Variants in CLTC observed in about 807,000 individuals in gnomAD.
CLTC encodes clathrin heavy chain, also known as clathrin heavy chain 1.
Under a neutral mutation model 195.8 loss-of-function variants are expected in CLTC, and 16 were observed. The ratio of observed to expected loss-of-function variants is 0.08; its 90% CI spans 0.06 to 0.12. The LOEUF is 0.12. Ranked by LOEUF, CLTC falls within the 10% of genes least tolerant of loss-of-function variation. The pLI is 1.00. For synonymous variants in CLTC, 667 were observed against 689.4 expected (o/e 0.97, Z 0.51); for missense variants, 796 against 2,027.0 (o/e 0.39, Z 11.66).
rs145756010 is a variant in CLTC, at chr17:59,683,089, G to A, written c.3874-6G>A. ...TTATCTTTAACTGCACATTTCTCTT[G>A]TTCAGGATCGTGGCTATTTTGAAGA... On this transcript the variant is annotated splice_region_variant and splice_polypyrimidine_tract_variant and intron_variant, in intron 24 of 31. Transcript: ENST00000269122. The surrounding 1 kb of genome is among the most constrained non-coding windows in gnomAD (Gnocchi z 6.1). The A allele has an allele frequency of 9.2e-5, 149 of 1,614,044 alleles. No homozygotes were observed. In the African/African-American group the frequency reaches 1.1e-3, roughly 12 times the overall value.
chr17:59,648,391 C>T lies in CLTC; in HGVS notation c.671C>T (p.Ala224Val). The T allele has an allele frequency of 6.2e-7, 1 of 1,612,780 alleles. No individual in the cohort carries two copies. Among genetic ancestry groups the T allele is most frequent in the Non-Finnish European group, 8.5e-7 (1 of 1,179,198 alleles). ...TTTTGTTTTGCAGTTCGGGGCCAAG[C>T]TGGAGGGAAGGTAAGTTTTGGCTTT... The part of the protein sequence containing the change: ...TLFCFAVRGQ[A>V]GGKLHIIEVG... The change falls in exon 4 of 32, where the codon GCT (alanine) becomes GTT (valine). Residue 224 changes from alanine (A) to valine (V), a missense_variant. Physicochemically the swap from Ala to Val is moderately conservative, Grantham distance 64. This residue lies in a region of CLTC where 293 missense variants were observed against 795.6 expected (regional missense o/e 0.37). Coordinates refer to ENST00000269122, the MANE Select transcript of CLTC (RefSeq NM_004859.4). This position sits in a 1 kb window ranked among gnomAD's most constrained non-coding sequence, Gnocchi z 4.5.
At chr17:59,680,887 C>T in intron 18 of CLTC, 25 bp from the exon 19 acceptor site, 2 of 1,562,090 alleles carry the variant, frequency 1.3e-6, no homozygotes, top group Non-Finnish European at 1.7e-6. Context: ...ATTCTCAGTA[C>T]TTATGTCCCA....
chr17:59,626,875 C>T (rs1452255999), intron 1 of CLTC, among the ~76,000 whole-genome samples: 1 of 152,094 alleles, frequency 6.6e-6, no homozygotes, highest in East Asian at 1.9e-4. Context: ...TAAATTAAGA[C>T]ATAATTTAAG....
chr17:59,675,763 A>C (rs1363120725), intron 16 of CLTC, among the ~76,000 whole-genome samples: 1 of 152,216 alleles, frequency 6.6e-6, no homozygotes, highest in Non-Finnish European at 1.5e-5. Context: ...AGCAAATGGC[A>C]GTTACAGTTA....
intron 1 of CLTC, among the ~76,000 whole-genome samples, chr17:59,635,078 A>G (rs1458672822): frequency 6.6e-6 from 1 of 152,222 alleles, no homozygotes; most frequent in African/African-American, 2.4e-5. Flanking sequence ...TACAAGTATC[A>G]GCAGGTCTCT....
chr17:59,693,460 A>G (rs539753335), intron 31 of CLTC, among the ~76,000 whole-genome samples: 107 of 151,884 alleles, frequency 7.0e-4, no homozygotes, highest in African/African-American at 1.7e-3. Context: ...GTATGTGTCA[A>G]GTATACAGAG....
chr17:59,643,310 G>A lies in CLTC; in HGVS notation c.43-966G>A, dbSNP rs147213335. ...GTTACAACATAGTTAGTCACCCAGA[G>A]TATTAATAACCCACTATGGTAGAGA... On this transcript the variant is annotated intron_variant, in intron 1 of 31. Transcript: ENST00000269122. Among the ~76,000 whole-genome samples the A allele has an allele frequency of 2.7e-3, 415 of 152,204 alleles. 1 individual carries two copies. Among genetic ancestry groups the A allele is most frequent in the African/African-American group, 9.0e-3 (372 of 41,514 alleles).
chr17:59,676,519 C>A (rs1442591251), intron 16 of CLTC, among the ~76,000 whole-genome samples: 4 of 152,134 alleles, frequency 2.6e-5, no homozygotes, highest in African/African-American at 9.7e-5. Flanking sequence ...AATCTCTAAT[C>A]TTTTATTCAG....
At chr17:59,639,693 G>T (rs1056861097) in intron 1 of CLTC, among the ~76,000 whole-genome samples, 1 of 152,048 alleles carries the variant, frequency 6.6e-6, no homozygotes, top group Non-Finnish European at 1.5e-5. Context: ...TTTATGGCTG[G>T]GTACAGTGGT....
intron 14 of CLTC, among the ~76,000 whole-genome samples, chr17:59,669,839 G>T (rs1165749646): frequency 6.6e-6 from 1 of 152,052 alleles, no homozygotes; most frequent in Admixed American, 6.6e-5. Context: ...ACACAGTATA[G>T]AAAGTAGGCT....
chr17:59,670,479 T>C (rs2032824328), intron 14 of CLTC, among the ~76,000 whole-genome samples: 1 of 152,036 alleles, frequency 6.6e-6, no homozygotes, highest in African/African-American at 2.4e-5. Flanking sequence ...GTGTCTGTTG[T>C]TCCTCTCTGT....
chr17:59,682,102 C>A lies in CLTC; in HGVS notation c.3443-169C>A, dbSNP rs889780310. ...CTTAAAACTTTAAGGAAAAAGAATT[C>A]ATCTATTCATTTGGTCCGTGATAAT... On this transcript the variant is annotated intron_variant, in intron 21 of 31. Coordinates refer to ENST00000269122, the MANE Select transcript of CLTC (RefSeq NM_004859.4). The surrounding 1 kb of genome is among the most constrained non-coding windows in gnomAD (Gnocchi z 6.8). 6.6e-6 allele frequency among the ~76,000 whole-genome samples: 1 copy of A among 152,166 alleles called. No individual in the cohort carries two copies. The highest frequency in any genetic ancestry group is 1.5e-5 in the Non-Finnish European group (1 of 68,024).
chr17:59,655,833 G>C, intron 5 of CLTC, 21 bp from the exon 6 acceptor site: 1 of 1,508,208 alleles, frequency 6.6e-7, no homozygotes, highest in Non-Finnish European at 8.8e-7. Flanking sequence ...TTTTACTAAA[G>C]TGTTGATTTT....
chr17:59,640,813 A>T (rs145145172), intron 1 of CLTC, among the ~76,000 whole-genome samples: 2 of 151,834 alleles, frequency 1.3e-5, no homozygotes, highest in Admixed American at 1.3e-4. Context: ...ATGTTTAAAC[A>T]TGTGCCATTA....
At chr17:59,620,279 G>A in intron 1 of CLTC, 106 bp downstream of exon 1, 1 of 1,188,544 alleles carries the variant, frequency 8.4e-7, no homozygotes, top group Non-Finnish European at 1.2e-6. Flanking sequence ...GGGCGGGGGG[G>A]TTGTCGGTGA....
At position 59,646,980 on chromosome 17, in the gene CLTC, C is replaced by A. The variant is rs558142674; in HGVS notation, c.251-418C>A. 7.2e-4 allele frequency among the ~76,000 whole-genome samples: 109 copies of A among 152,306 alleles called. 4 individuals carry two copies. In the South Asian group the frequency reaches 0.022, roughly 30 times the overall value. On this transcript the variant is annotated intron_variant, in intron 2 of 31. Transcript: ENST00000269122. ...AGAGATGACTGCCTTTAAAAAAATA[C>A]ATTTTCTTTCCCCCATGTGTTTGTT...
Position 59,696,458 on chromosome 17 carries a change from A to ATCAT in CLTC, c.*2608_*2611dup, listed in dbSNP as rs1468021431. 1 of 214,122 alleles carries ATCAT rather than the reference A, an allele frequency of 4.7e-6. No homozygotes were observed. The highest frequency in any genetic ancestry group is 9.4e-6 in the Non-Finnish European group (1 of 106,054). The allele number at this position is 214,122 out of a possible 1,614,324, so 13.3% of individuals were successfully genotyped here. A position where few individuals can be genotyped will look rare whatever the true frequency, so the allele number is the denominator to read the frequency against. ...GCCTATTACCAAAATTCTCCCTGGC[A>ATCAT]TCATTACAGTTCTTGGGGATACACT... is the stretch of plus-strand genomic sequence containing the variant. On this transcript the variant is annotated 3_prime_UTR_variant, in exon 32 of 32. Transcript: ENST00000269122.
chr17:59,682,529 A>G lies in CLTC; in HGVS notation c.3601-100A>G. 6.3e-7 allele frequency: 1 copy of G among 1,578,498 alleles called. No homozygotes were observed. Among genetic ancestry groups the G allele is most frequent in the Non-Finnish European group, 8.6e-7 (1 of 1,158,586 alleles). ...TGAAGAATTCCAAGGAAAAATCTAT[A>G]GGAAAACAAATTCTTTCTCATTGTG... On this transcript the variant is annotated intron_variant, in intron 22 of 31. Transcript: ENST00000269122. The surrounding 1 kb of genome is among the most constrained non-coding windows in gnomAD (Gnocchi z 6.8).
chr17:59,691,630 A>T (rs942942209), intron 31 of CLTC, among the ~76,000 whole-genome samples: 123 of 146,316 alleles, frequency 8.4e-4, no homozygotes, highest in African/African-American at 2.3e-3. Context: ...CCTTAAAAAA[A>T]AAATATATAT....
Sources: gnomAD v4.1 joint callset for allele counts (sites outside exome capture counted in the v4.1 genomes callset) on GRCh38, gnomAD v4.1.1 for gene constraint, gnomAD v4.1.1 regional missense constraint, Gnocchi (gnomAD v3.1) non-coding constraint, MANE v1.5 for transcripts, NCBI Gene and HGNC (gene_info 2026-07-23, HGNC 2026-07-21) for gene names.